The following VRK2 variants were observed in gnomAD, a reference collection of about 807,000 sequenced individuals.
VRK2 encodes the protein VRK serine/threonine kinase 2.
VRK2 carries 60 observed loss-of-function variants against 57.6 expected under a neutral mutation model. That is an observed-to-expected ratio of 1.04 (90% CI 0.85 to 1.29). The LOEUF is 1.29. Among genes scored for constraint, VRK2 ranks in the 50% most tolerant of loss-of-function variants. VRK2 has a pLI of 0.00. For missense variants in VRK2, 705 were observed against 588.1 expected (o/e 1.20, Z -2.06); for synonymous variants, 231 against 199.2 (o/e 1.16, Z -1.35).
At chr2:57,958,407 GT>G (rs1671649486) in intron 1 of VRK2, among the ~76,000 whole-genome samples, 1 of 150,358 alleles carries the variant, frequency 6.7e-6, no homozygotes, top group African/African-American at 2.4e-5. Flanking sequence ...ATATATGTGT[GT>G]ATGTGTGTGT....
intron 7 of VRK2, among the ~76,000 whole-genome samples, chr2:58,113,461 C>G (rs1390330934): frequency 6.6e-6 from 1 of 152,130 alleles, no homozygotes; most frequent in Non-Finnish European, 1.5e-5. Flanking sequence ...AAGAGACCAC[C>G]AAACAGGCTT....
intron 1 of VRK2, among the ~76,000 whole-genome samples, chr2:57,920,360 C>T (rs1450171419): frequency 6.6e-6 from 1 of 152,218 alleles, no homozygotes; most frequent in South Asian, 2.1e-4. Flanking sequence ...CTGGCTAATA[C>T]AGAATTTCAA....
chr2:57,964,892 A>C (rs1243387207), intron 1 of VRK2, among the ~76,000 whole-genome samples: 1 of 150,752 alleles, frequency 6.6e-6, no homozygotes, highest in African/African-American at 2.4e-5. Context: ...AAAAAAAAAA[A>C]AAAAAAAAAA....
chr2:58,128,632 A>G (rs564210682), intron 8 of VRK2, among the ~76,000 whole-genome samples: 2 of 152,262 alleles, frequency 1.3e-5, no homozygotes, highest in South Asian at 4.1e-4. Context: ...GCGCCTGGCA[A>G]CAAAGTAATT....
intron 1 of VRK2, among the ~76,000 whole-genome samples, chr2:57,931,236 C>T (rs376471689): frequency 6.6e-6 from 1 of 151,972 alleles, no homozygotes; most frequent in Non-Finnish European, 1.5e-5. Context: ...AATGGCTGTA[C>T]CAATTTACAT....
intron 2 of VRK2, among the ~76,000 whole-genome samples, chr2:58,053,238 T>C (rs979343017): frequency 5.3e-5 from 8 of 152,236 alleles, no homozygotes; most frequent in African/African-American, 1.7e-4. Flanking sequence ...TGTGCTTTAT[T>C]GACAGGACAT....
chr2:57,912,788 T>TA (rs1558489054), intron 1 of VRK2, among the ~76,000 whole-genome samples: 1 of 152,192 alleles, frequency 6.6e-6, no homozygotes, highest in Admixed American at 6.5e-5. Flanking sequence ...CATTTACCCT[T>TA]ATGGGCTGTT....
chr2:58,076,260 G>T (rs1670097043), intron 2 of VRK2, among the ~76,000 whole-genome samples: 1 of 151,884 alleles, frequency 6.6e-6, no homozygotes, highest in Non-Finnish European at 1.5e-5. Context: ...TTGTAAGTCA[G>T]TAAGGCATTT....
chr2:58,134,892 G>A (rs1035105831), intron 9 of VRK2, among the ~76,000 whole-genome samples: 33 of 152,158 alleles, frequency 2.2e-4, no homozygotes, highest in Non-Finnish European at 1.5e-4. Flanking sequence ...TATGGTGGGT[G>A]AGAAAAGAGA....
rs959800042 is a variant in VRK2 at position 58,062,013 on chromosome 2, C to A, written c.136+13046C>A. 2.0e-5 allele frequency among the ~76,000 whole-genome samples: 3 copies of A among 152,156 alleles called. No homozygotes were observed. In the South Asian group the frequency reaches 6.2e-4, roughly 32 times the overall value. On this transcript the variant is annotated intron_variant, in intron 2 of 12. Transcript: ENST00000340157. ...GCTTTGCAGATACTGTGTTTTTTTA[C>A]ACACTGAAGGTTGTGGCAACCCTGC...
At chr2:57,951,246 G>A (rs1442870737) in intron 1 of VRK2, among the ~76,000 whole-genome samples, 1 of 152,158 alleles carries the variant, frequency 6.6e-6, no homozygotes, top group Non-Finnish European at 1.5e-5. Context: ...CGGCAGATGT[G>A]GTGGAAATAG....
At chr2:58,156,386 TG>T (rs2104721433) in intron 12 of VRK2, among the ~76,000 whole-genome samples, 1 of 152,308 alleles carries the variant, frequency 6.6e-6, no homozygotes, top group Admixed American at 6.5e-5. Flanking sequence ...CTTTTATCTG[TG>T]GGTTGATATT....
intron 2 of VRK2, among the ~76,000 whole-genome samples, chr2:58,056,310 T>C (rs746424515): frequency 2.6e-5 from 4 of 152,172 alleles, no homozygotes; most frequent in East Asian, 1.9e-4. Flanking sequence ...TCAAAACATA[T>C]AACTGCCACA....
intron 1 of VRK2, among the ~76,000 whole-genome samples, chr2:57,963,438 C>G (rs1000068702): frequency 1.3e-5 from 2 of 152,124 alleles, no homozygotes; most frequent in Non-Finnish European, 2.9e-5. Flanking sequence ...TTCGGCAAAT[C>G]CTTAAATGAC....
chr2:57,970,180 AATAAT>A (rs1365544792), intron 1 of VRK2, among the ~76,000 whole-genome samples: 2 of 148,376 alleles, frequency 1.3e-5, no homozygotes, highest in Admixed American at 6.8e-5. Context: ...TTAAATCATA[AATAAT>A]ATAACATTAT....
chr2:57,984,119 C>A (rs1185848788), intron 1 of VRK2, among the ~76,000 whole-genome samples: 2 of 152,118 alleles, frequency 1.3e-5, no homozygotes, highest in African/African-American at 4.8e-5. Flanking sequence ...AACTACTCAA[C>A]TCTACAATTG....
intron 1 of VRK2, among the ~76,000 whole-genome samples, chr2:57,995,472 T>C (rs1384480924): frequency 2.6e-5 from 4 of 152,178 alleles, no homozygotes; most frequent in Non-Finnish European, 5.9e-5. Context: ...CTTGAAGCAA[T>C]AGTTTCATTT....
In VRK2 at chr2:58,084,145, G is replaced by A. The variant is rs1465674841; in HGVS notation, c.186+7G>A. ...AAGACATGTAGTAAAAGTGGTAAGT[G>A]TTGCTCATAGATTTGTATTTCACAT... On this transcript the variant is annotated splice_region_variant and intron_variant, in intron 3 of 12. Transcript: ENST00000340157. The A allele has an allele frequency of 1.9e-6, 3 of 1,601,230 alleles. No homozygotes were observed. The highest frequency in any genetic ancestry group is 2.6e-6 in the Non-Finnish European group (3 of 1,172,194).
intron 7 of VRK2, among the ~76,000 whole-genome samples, chr2:58,090,397 T>G (rs1672210234): frequency 1.6e-5 from 2 of 121,680 alleles, no homozygotes; most frequent in African/African-American, 6.7e-5. Context: ...AGAAACTCCA[T>G]CTCAAAAAAA....
Sources: allele counts gnomAD v4.1 joint callset (sites outside exome capture counted in the v4.1 genomes callset), GRCh38; gene constraint gnomAD v4.1.1; transcripts MANE v1.5; gene names NCBI Gene and HGNC (gene_info 2026-07-23, HGNC 2026-07-21).